The following LSM3 variants were observed in gnomAD, a reference collection of about 807,000 sequenced individuals.
LSM3 encodes LSM3 homolog, U6 small nuclear RNA and mRNA degradation associated, also known as U6 snRNA-associated Sm-like protein LSm3.
In LSM3, 14 loss-of-function variants were observed where a neutral mutation model predicts 15.4. That is an observed-to-expected ratio of 0.91 (90% CI 0.60 to 1.42). The LOEUF (loss-of-function observed/expected upper bound fraction) is 1.42. Among genes scored for constraint, LSM3 ranks in the 40% most tolerant of loss-of-function variants. The pLI, the probability that LSM3 is intolerant of heterozygous loss-of-function variation, is 0.00. For missense variants in LSM3, 88 were observed against 127.9 expected (o/e 0.69, Z 1.50); for synonymous variants, 46 against 45.1 (o/e 1.02, Z -0.08).
intron 2 of LSM3, among the ~76,000 whole-genome samples, chr3:14,183,394 G>C (rs1697058076): frequency 6.6e-6 from 1 of 152,220 alleles, no homozygotes; most frequent in Admixed American, 6.5e-5. Flanking sequence ...ACACATTTAA[G>C]TTCTGGATAG....
At chr3:14,195,328 T>C (rs571815564) in intron 3 of LSM3, among the ~76,000 whole-genome samples, 4 of 152,178 alleles carry the variant, frequency 2.6e-5, no homozygotes, top group East Asian at 3.9e-4. Flanking sequence ...CTGGGAAATA[T>C]AGTAGAATTG....
chr3:14,194,520 C>T (rs1387161968), intron 3 of LSM3, among the ~76,000 whole-genome samples: 1 of 152,142 alleles, frequency 6.6e-6, no homozygotes, highest in African/African-American at 2.4e-5. Flanking sequence ...ATTCATCTCT[C>T]TGCGTCTACT....
At chr3:14,186,217 A>C (rs1697088171) in intron 3 of LSM3, among the ~76,000 whole-genome samples, 1 of 152,242 alleles carries the variant, frequency 6.6e-6, no homozygotes, top group East Asian at 1.9e-4. Context: ...TAAGATTTGG[A>C]AAGACAGTTT....
At chr3:14,181,017 A>G (rs530941769) in intron 1 of LSM3, among the ~76,000 whole-genome samples, 1 of 151,974 alleles carries the variant, frequency 6.6e-6, no homozygotes, top group Admixed American at 6.6e-5. Context: ...ATGCCCGGCT[A>G]AGCCAGTGCT....
Position 14,181,762 on chromosome 3 carries a change from T to C in LSM3, c.132+92T>C. ...AACCTGTCCAGAGTGAAAGGGTATTTTGAAGGAAGAGAGGGTGGTGGAAAG... is the reference window on the plus strand; with the variant it reads ...AACCTGTCCAGAGTGAAAGGGTATTCTGAAGGAAGAGAGGGTGGTGGAAAG... On this transcript the variant is annotated intron_variant, in intron 2 of 3. Coordinates refer to ENST00000306024, the MANE Select transcript of LSM3 (RefSeq NM_014463.3). 6 of 913,140 alleles carry C rather than the reference T, an allele frequency of 6.6e-6. No individual in the cohort carries two copies. In the South Asian group the frequency reaches 8.6e-5, roughly 13 times the overall value. 56.6% of individuals were successfully genotyped at this position (913,140 alleles called of 1,614,324 possible). A position where few individuals can be genotyped will look rare whatever the true frequency, so the allele number is the denominator to read the frequency against.
At chr3:14,188,104 A>G (rs1369952531) in intron 3 of LSM3, among the ~76,000 whole-genome samples, 1 of 152,214 alleles carries the variant, frequency 6.6e-6, no homozygotes. Flanking sequence ...TTAGCACTGT[A>G]ATAATAGAAC....
At chr3:14,185,773 C>T (rs1697082907) in intron 3 of LSM3, among the ~76,000 whole-genome samples, 1 of 152,186 alleles carries the variant, frequency 6.6e-6, no homozygotes, top group Non-Finnish European at 1.5e-5. Flanking sequence ...TCAAATGGAT[C>T]TCTTACTCAT....
chr3:14,183,841 C>T, intron 2 of LSM3, 96 bp from the exon 3 acceptor site: 3 of 795,306 alleles, frequency 3.8e-6, no homozygotes, highest in Non-Finnish European at 3.9e-6. Flanking sequence ...GTATCAAATG[C>T]CCTAGTTGTA....
chr3:14,182,857 C>A (rs4504155), intron 2 of LSM3, among the ~76,000 whole-genome samples: 2,890 of 152,248 alleles, frequency 0.019, 42 homozygotes, highest in Non-Finnish European at 0.026. Context: ...GAATTTGAAT[C>A]TAGGTTGTCT....
chr3:14,197,763 C>T (rs770845495), intron 3 of LSM3, among the ~76,000 whole-genome samples: 8 of 152,172 alleles, frequency 5.3e-5, no homozygotes, highest in Non-Finnish European at 1.2e-4. Flanking sequence ...AATCCGATGG[C>T]TACATCTGGT....
intron 3 of LSM3, among the ~76,000 whole-genome samples, chr3:14,196,785 C>G (rs531068879): frequency 6.6e-6 from 1 of 152,196 alleles, no homozygotes; most frequent in Non-Finnish European, 1.5e-5. Flanking sequence ...TGCTGGAAGA[C>G]GCAAATAGTC....
intron 3 of LSM3, among the ~76,000 whole-genome samples, chr3:14,192,931 T>A (rs967487858): frequency 1.3e-5 from 2 of 152,244 alleles, no homozygotes; most frequent in African/African-American, 4.8e-5. Context: ...TTCCTTTCCA[T>A]GTTTAGTGCT....
intron 3 of LSM3, among the ~76,000 whole-genome samples, chr3:14,192,537 C>G (rs1697149995): frequency 6.6e-6 from 1 of 152,118 alleles, no homozygotes; most frequent in African/African-American, 2.4e-5. Flanking sequence ...ATGTAATGCC[C>G]TTGTTTGTCT....
At chr3:14,179,367 G>A (rs1363016066) in intron 1 of LSM3, among the ~76,000 whole-genome samples, 1 of 152,198 alleles carries the variant, frequency 6.6e-6, no homozygotes, top group Non-Finnish European at 1.5e-5. Context: ...ATATAAATAT[G>A]TAAGACTTCC....
chr3:14,180,857 TAAAA>T lies in LSM3; in HGVS notation c.22-694_22-691del, dbSNP rs34127386. ...TTTTTTTTTTTTTTTTTTTTTTTTT[TAAAA>T]AAAAAAAAGACAAGAGTCTCACTCT... On this transcript the variant is annotated intron_variant, in intron 1 of 3. Coordinates refer to ENST00000306024, the MANE Select transcript of LSM3 (RefSeq NM_014463.3). Among the ~76,000 whole-genome samples, 147 of 64,800 alleles carry T rather than the reference TAAAA, an allele frequency of 2.3e-3. 1 individual carries two copies. Among genetic ancestry groups the T allele is most frequent in the African/African-American group, 9.7e-3 (138 of 14,176 alleles). 42.5% of individuals were successfully genotyped at this position (64,800 alleles called of 152,430 possible).
At chr3:14,187,328 G>A (rs887756616) in intron 3 of LSM3, among the ~76,000 whole-genome samples, 23 of 152,212 alleles carry the variant, frequency 1.5e-4, no homozygotes, top group African/African-American at 5.3e-4. Context: ...TGCGTGCTGC[G>A]TGCATGTGGC....
chr3:14,191,123 G>C (rs1697135345), intron 3 of LSM3, among the ~76,000 whole-genome samples: 1 of 152,164 alleles, frequency 6.6e-6, no homozygotes, highest in East Asian at 1.9e-4. Context: ...TTGCATCCCA[G>C]GGATGAAGCT....
chr3:14,194,775 CTTTTTTTT>C (rs145805608), intron 3 of LSM3, among the ~76,000 whole-genome samples: 13 of 88,798 alleles, frequency 1.5e-4, no homozygotes, highest in East Asian at 8.8e-4. Flanking sequence ...TTATAGCATC[CTTTTTTTT>C]TTTTTTTTTT....
rs747288859 is a variant in LSM3, at chr3:14,198,844, G to A, written c.*728G>A. Reference sequence around the variant, plus strand: ...TGCACTTCAACCTGGTCAACAGAGCGAGACTCCGTGTCAAAAAAAAAAAAA... The same window carrying A: ...TGCACTTCAACCTGGTCAACAGAGCAAGACTCCGTGTCAAAAAAAAAAAAA... On this transcript the variant is annotated 3_prime_UTR_variant, in exon 4 of 4. Transcript: ENST00000306024. 2 of 147,672 alleles carry A rather than the reference G, an allele frequency of 1.4e-5. No homozygotes were observed. The highest frequency in any genetic ancestry group is 3.0e-5 in the Non-Finnish European group (2 of 67,376). 9.1% of individuals were successfully genotyped at this position (147,672 alleles called of 1,614,324 possible). A position where few individuals can be genotyped will look rare whatever the true frequency, so the allele number is the denominator to read the frequency against.
Sources: gnomAD v4.1 joint callset for allele counts (sites outside exome capture counted in the v4.1 genomes callset) on GRCh38, gnomAD v4.1.1 for gene constraint, MANE v1.5 for transcripts, NCBI Gene and HGNC (gene_info 2026-07-23, HGNC 2026-07-21) for gene names.